AMZ1: variants seen among roughly 807,000 people sequenced by gnomAD.
The protein encoded by AMZ1 is archaelysin family metallopeptidase 1.
A neutral mutation model predicts 29.9 loss-of-function variants in AMZ1; 39 were observed. The observed-to-expected ratio is 1.30, with a 90% CI of 1.01 to 1.70. AMZ1 has a LOEUF of 1.70. Ranked by LOEUF, AMZ1 falls within the 40% of genes most tolerant of loss-of-function variation. AMZ1 has a pLI of 0.00. For missense variants in AMZ1, 1,041 were observed against 680.6 expected (o/e 1.53, Z -5.89); for synonymous variants, 458 against 304.0 (o/e 1.51, Z -5.27).
At chr7:2,710,412 A>G (rs897477576) in intron 6 of AMZ1, among the ~76,000 whole-genome samples, 12 of 152,246 alleles carry the variant, frequency 7.9e-5, no homozygotes, top group Non-Finnish European at 1.6e-4. Context: ...GCTTTGGACT[A>G]CAACCAGTTA....
intron 4 of AMZ1, among the ~76,000 whole-genome samples, chr7:2,726,529 T>C (rs537749921): frequency 1.4e-4 from 22 of 152,256 alleles, no homozygotes; most frequent in African/African-American, 4.6e-4. Context: ...CACTACATCA[T>C]CCAGCATGGA....
At chr7:2,707,220 C>T (rs57566086) in intron 3 of AMZ1, among the ~76,000 whole-genome samples, 2 of 151,532 alleles carry the variant, frequency 1.3e-5, no homozygotes, top group Non-Finnish European at 2.9e-5. Context: ...TTACAGTGAA[C>T]TGAGATAGAT....
At chr7:2,681,693 G>T (rs1031032326) in intron 1 of AMZ1, among the ~76,000 whole-genome samples, 12 of 152,130 alleles carry the variant, frequency 7.9e-5, no homozygotes, top group African/African-American at 2.9e-4. Flanking sequence ...TCGTCCCCAC[G>T]TGCCTGGTCC....
At chr7:2,700,780 C>T (rs1788009973) in intron 2 of AMZ1, 25 bp downstream of exon 2, 2 of 1,605,108 alleles carry the variant, frequency 1.2e-6, no homozygotes, top group African/African-American at 1.3e-5. Context: ...CAGCCATCGG[C>T]ACGCTCCTGG....
intron 4 of AMZ1, among the ~76,000 whole-genome samples, chr7:2,746,243 A>G (rs949925305): frequency 2.0e-5 from 3 of 152,216 alleles, no homozygotes; most frequent in Non-Finnish European, 4.4e-5. Context: ...CACCACACCT[A>G]TTCCAAAATT....
rs1308704288 is a variant in AMZ1, at chr7:2,716,653, G to A, written c.*3775G>A. ...CATACAGTGCCAAGGGAGCTGCTCTGCAGACCCACCAGGCAGGGACGGCCA... is the reference window on the plus strand; with the variant it reads ...CATACAGTGCCAAGGGAGCTGCTCTACAGACCCACCAGGCAGGGACGGCCA... On this transcript the variant is annotated 3_prime_UTR_variant, in exon 7 of 7. Transcript: ENST00000683327. The A allele has an allele frequency of 2.0e-5, 3 of 152,242 alleles. No homozygotes were observed. The highest frequency in any genetic ancestry group is 4.8e-5 in the African/African-American group (2 of 41,454). The allele number at this position is 152,242 out of a possible 1,614,324, so 9.4% of individuals were successfully genotyped here.
chr7:2,750,786 AAC>A (rs1790995420), intron 4 of AMZ1, among the ~76,000 whole-genome samples: 1 of 152,198 alleles, frequency 6.6e-6, no homozygotes, highest in African/African-American at 2.4e-5. Context: ...AGTGTGAAGA[AAC>A]ACAGTGTGAA....
rs1463163675 is a variant in AMZ1 at position 2,715,132 on chromosome 7, T to G, written c.*2254T>G. On this transcript the variant is annotated 3_prime_UTR_variant, in exon 7 of 7. Coordinates refer to ENST00000683327, the MANE Select transcript of AMZ1 (RefSeq NM_001384743.1). ...TAAGGTGGACATCGGGAGGGTCAGA[T>G]GGAAGCTCTGTGGCCTTTCCTAACT... is the stretch of plus-strand genomic sequence containing the variant. The G allele has an allele frequency of 1.3e-5, 2 of 152,172 alleles. No individual in the cohort carries two copies. The highest frequency in any genetic ancestry group is 4.8e-5 in the African/African-American group (2 of 41,432). The allele number at this position is 152,172 out of a possible 1,614,324, so 9.4% of individuals were successfully genotyped here.
intron 4 of AMZ1, chr7:2,729,783 C>G (rs1221319404): frequency 6.6e-6 from 1 of 152,402 alleles, no homozygotes; most frequent in Non-Finnish European, 1.5e-5. Flanking sequence ...TCCCAAAACA[C>G]ACTAGGCAGG....
intron 1 of AMZ1, among the ~76,000 whole-genome samples, chr7:2,698,479 A>G (rs933639629): frequency 1.3e-5 from 2 of 152,046 alleles, no homozygotes; most frequent in African/African-American, 2.4e-5. Flanking sequence ...TGGAGGTTGC[A>G]GTGAGCCCAG....
upstream of AMZ1, chr7:2,763,182 AG>A (rs546871534): frequency 1.9e-4 from 140 of 741,858 alleles, no homozygotes; most frequent in Admixed American, 5.5e-5. Flanking sequence ...GGACTTCACA[AG>A]ACACCCCAAC....
rs201597646 is a variant in AMZ1, at chr7:2,709,196, G to C, written c.723G>C (p.Arg241Ser). ...GCCCCGAGGCCCCCCTGCAGGACAG[G>C]GGCTGGGCCCTGTGCTTCAGTGCCC... ...ADGPEAPLQD[R>S]GWALCFSALG... The change falls in exon 5 of 7, where the codon AGG becomes AGC. Residue 241 changes from arginine (R) to serine (S), a missense_variant. By Grantham distance (110) the Arg-to-Ser change is moderately radical. Coordinates refer to ENST00000683327, the MANE Select transcript of AMZ1 (RefSeq NM_001384743.1). The C allele has an allele frequency of 5.9e-6, 9 of 1,523,734 alleles. No homozygotes were observed. Among genetic ancestry groups the C allele is most frequent in the African/African-American group, 2.8e-5 (2 of 71,700 alleles). The allele number at this position is 1,523,734 out of a possible 1,614,324, so 94.4% of individuals were successfully genotyped here.
chr7:2,708,691 C>T lies in AMZ1; in HGVS notation c.576C>T (p.Thr192=), dbSNP rs751520774. The T allele has an allele frequency of 6.2e-7, 1 of 1,612,964 alleles. No individual in the cohort carries two copies. The highest frequency in any genetic ancestry group is 1.1e-5 in the South Asian group (1 of 91,086). Residue 192 remains threonine (T), a synonymous_variant, in exon 4 of 7, where the codon ACC becomes ACT. Transcript: ENST00000683327. ...ACCCCCATGAGGCCTGGAGCTTCAC[C>T]TTCAGCAAGTTCCTTCCAGGGCACG... ...DLYPHEAWSF[T]FSKFLPGHEV...
At chr7:2,754,432 T>C (rs959051330) in intron 4 of AMZ1, among the ~76,000 whole-genome samples, 1 of 152,156 alleles carries the variant, frequency 6.6e-6, no homozygotes, top group Non-Finnish European at 1.5e-5. Flanking sequence ...CTGTAGCTTG[T>C]CTTTTCATCC....
chr7:2,755,828 C>T (rs999005943), intron 4 of AMZ1, among the ~76,000 whole-genome samples: 3 of 152,084 alleles, frequency 2.0e-5, no homozygotes, highest in Non-Finnish European at 4.4e-5. Context: ...AAATTTGAAA[C>T]CTAAATAATT....
chr7:2,711,534 G>C (rs983540391), intron 6 of AMZ1, among the ~76,000 whole-genome samples: 2 of 152,168 alleles, frequency 1.3e-5, no homozygotes, highest in Admixed American at 6.5e-5. Context: ...TGAGAGCAGA[G>C]GTGAGAGTGA....
chr7:2,712,525 G>T lies in AMZ1; in HGVS notation c.1144G>T (p.Glu382Ter). The T allele has an allele frequency of 6.2e-7, 1 of 1,608,582 alleles. No homozygotes were observed. Among genetic ancestry groups the T allele is most frequent in the South Asian group, 1.1e-5 (1 of 90,620 alleles). ...AGSHTFASGP[E>*]EGLSYLAASE... The stretch of plus-strand genomic sequence containing the variant: ...GAGTCACACCTTCGCCTCGGGGCCA[G>T]AGGAAGGGCTGAGCTACCTGGCAGC... Residue 382 changes from glutamate to a stop codon, truncating the protein, a stop_gained, in exon 7 of 7, where the codon GAG (glutamate) becomes TAG (stop). Coordinates refer to ENST00000683327, the MANE Select transcript of AMZ1 (RefSeq NM_001384743.1). LOFTEE classifies it low-confidence loss of function (END_TRUNC).
At chr7:2,703,326 A>C (rs984338510) in intron 3 of AMZ1, among the ~76,000 whole-genome samples, 4 of 152,040 alleles carry the variant, frequency 2.6e-5, no homozygotes, top group Admixed American at 1.3e-4. Flanking sequence ...TTTTTAGTTG[A>C]GACAGGGTCT....
rs759296986 is a variant in AMZ1 at position 2,709,775 on chromosome 7, C to G, written c.907C>G (p.Leu303Val). Reference protein sequence around the residue: ...LDLCPICLRKLQHVLGFRLIE... With the variant: ...LDLCPICLRKVQHVLGFRLIE... ...CCTCTGTCCCATCTGCCTGAGGAAG[C>G]TGCAGCATGTCCTGGGTTTCAGGCT... The change falls in exon 6 of 7, where the codon CTG becomes GTG. Residue 303 changes from leucine (L) to valine (V), a missense_variant. Transcript: ENST00000683327. 1.2e-6 allele frequency: 2 copies of G among 1,612,092 alleles called. No individual in the cohort carries two copies. The highest frequency in any genetic ancestry group is 1.7e-5 in the Admixed American group (1 of 60,004).
Sources: gnomAD v4.1 joint callset for allele counts (sites outside exome capture counted in the v4.1 genomes callset) on GRCh38, gnomAD v4.1.1 for gene constraint, MANE v1.5 for transcripts, NCBI Gene and HGNC (gene_info 2026-07-23, HGNC 2026-07-21) for gene names.